The following POLR2B variants were observed in gnomAD, a reference collection of about 807,000 sequenced individuals.
POLR2B encodes RNA polymerase II subunit B.
A neutral mutation model predicts 144.6 loss-of-function variants in POLR2B; 57 were observed. That is an observed-to-expected ratio of 0.39 (90% CI 0.32 to 0.49). POLR2B has a LOEUF of 0.49. Among genes scored for constraint, POLR2B ranks in the 20% least tolerant of loss-of-function variants. The pLI, the probability that POLR2B is intolerant of heterozygous loss-of-function variation, is 0.83. For missense variants in POLR2B, 595 were observed against 1,467.4 expected, an observed-to-expected ratio of 0.41 and a Z score of 9.71; for synonymous variants, 442 against 469.8, an observed-to-expected ratio of 0.94 and a Z score of 0.77.
rs542488740 is a variant in POLR2B at position 56,998,624 on chromosome 4, C to T, written c.736-993C>T. Reference sequence around the variant, plus strand: ...CCTCCCGCCTTGGCCTCCCAAAGTGCCGGGATTACAGGCATGAGCCACTGT... The same window carrying T: ...CCTCCCGCCTTGGCCTCCCAAAGTGTCGGGATTACAGGCATGAGCCACTGT... On this transcript the variant is annotated intron_variant, in intron 6 of 24. Coordinates refer to ENST00000314595, the MANE Select transcript of POLR2B (RefSeq NM_000938.3). Among the ~76,000 whole-genome samples the T allele has an allele frequency of 3.3e-3, 501 of 152,272 alleles. 2 individuals are homozygous for T. Among genetic ancestry groups the T allele is most frequent in the African/African-American group, 0.011 (475 of 41,558 alleles).
intron 16 of POLR2B, among the ~76,000 whole-genome samples, chr4:57,018,260 T>A (rs1424218550): frequency 6.6e-6 from 1 of 152,172 alleles, no homozygotes; most frequent in African/African-American, 2.4e-5. Context: ...GGAATACCAT[T>A]CTGACAGCGG....
chr4:56,994,930 GA>G (rs41560115), intron 5 of POLR2B, 64 bp downstream of exon 5: 191,697 of 706,762 alleles, frequency 0.27, 9,469 homozygotes, highest in East Asian at 0.42. Context: ...AAGTTGAAAT[GA>G]AAAAAAAAAA....
intron 7 of POLR2B, 109 bp downstream of exon 7, chr4:56,999,890 T>A: frequency 1.4e-6 from 1 of 719,740 alleles, no homozygotes; most frequent in Non-Finnish European, 2.2e-6. Flanking sequence ...GTAATTTAGC[T>A]GTCACAAATC....
Position 57,023,891 on chromosome 4 carries a change from A to C in POLR2B, c.2857-114A>C. 1.3e-6 allele frequency: 1 copy of C among 786,250 alleles called. No individual in the cohort carries two copies. Among genetic ancestry groups the C allele is most frequent in the Non-Finnish European group, 2.1e-6 (1 of 480,580 alleles). The allele number at this position is 786,250 out of a possible 1,614,324, so 48.7% of individuals were successfully genotyped here. A position where few individuals can be genotyped will look rare whatever the true frequency, so the allele number is the denominator to read the frequency against. On this transcript the variant is annotated intron_variant, in intron 20 of 24. Transcript: ENST00000314595. The surrounding 1 kb of genome is among the most constrained non-coding windows in gnomAD (Gnocchi z 4.3). ...TTTATTGTTGAATAAGTATATGAAC[A>C]TACCATGTTTAAACAGAATTTGGGA...
chr4:57,022,230 A>G lies in POLR2B; in HGVS notation c.2499A>G (p.Thr833=). The G allele has an allele frequency of 6.2e-7, 1 of 1,603,712 alleles. No individual in the cohort carries two copies. Among genetic ancestry groups the G allele is most frequent in the Non-Finnish European group, 8.5e-7 (1 of 1,170,824 alleles). Residue 833 remains threonine, a synonymous_variant, in exon 18 of 25, where the codon ACA becomes ACG. Coordinates refer to ENST00000314595, the MANE Select transcript of POLR2B (RefSeq NM_000938.3). ...AAGAAGAAGTTTTTGAGAAGCCTAC[A>G]CGTGAAACATGCCAGGGTAAGTGAC... is the stretch of plus-strand genomic sequence containing the variant. ...FDQEEVFEKP[T]RETCQGMRHA... is the part of the protein sequence containing the mutation.
intron 10 of POLR2B, chr4:57,009,984 G>C (rs1242332069): frequency 6.1e-6 from 1 of 164,522 alleles, no homozygotes; most frequent in Non-Finnish European, 1.3e-5. Flanking sequence ...GCTATGATCA[G>C]AGGAGTGTGA....
At chr4:56,984,910 C>G (rs948954417) in intron 1 of POLR2B, among the ~76,000 whole-genome samples, 1 of 152,056 alleles carries the variant, frequency 6.6e-6, no homozygotes, top group Non-Finnish European at 1.5e-5. Flanking sequence ...CATAACTACG[C>G]TAAAATTTAG....
At chr4:57,000,133 C>T (rs1299778324) in intron 7 of POLR2B, among the ~76,000 whole-genome samples, 1 of 152,146 alleles carries the variant, frequency 6.6e-6, no homozygotes, top group African/African-American at 2.4e-5. Context: ...TAATTTCAGA[C>T]TTACAGAAAA....
chr4:56,996,279 T>TATATA (rs1553910018), intron 6 of POLR2B, among the ~76,000 whole-genome samples: 17 of 39,430 alleles, frequency 4.3e-4, no homozygotes, highest in South Asian at 9.5e-4. Context: ...TATATATATA[T>TATATA]TTTTTTTTTT....
At chr4:56,999,116 T>C (rs1456606604) in intron 6 of POLR2B, among the ~76,000 whole-genome samples, 2 of 152,138 alleles carry the variant, frequency 1.3e-5, no homozygotes, top group South Asian at 2.1e-4. Context: ...TTTGAAACAC[T>C]GAGACAAGGA....
In POLR2B at chr4:57,023,871, T is replaced by C; in HGVS notation, c.2856+120T>C. On this transcript the variant is annotated intron_variant, in intron 20 of 24. Transcript: ENST00000314595. This position sits in a 1 kb window ranked among gnomAD's most constrained non-coding sequence, Gnocchi z 4.3. ...TACAGGTTGAACTTTTTGATTTTAT[T>C]GTTGAATAAGTATATGAACATACCA... is the stretch of plus-strand genomic sequence containing the variant. 1.2e-6 allele frequency: 1 copy of C among 817,790 alleles called. No homozygotes were observed. Among genetic ancestry groups the C allele is most frequent in the Non-Finnish European group, 2.0e-6 (1 of 508,058 alleles). 50.7% of individuals were successfully genotyped at this position (817,790 alleles called of 1,614,324 possible). A position where few individuals can be genotyped will look rare whatever the true frequency, so the allele number is the denominator to read the frequency against.
intron 9 of POLR2B, 59 bp from the exon 10 acceptor site, chr4:57,006,755 CTG>C: frequency 7.6e-7 from 1 of 1,316,638 alleles, no homozygotes; most frequent in South Asian, 1.4e-5. Flanking sequence ...AATATTCCTC[CTG>C]TTGAGAATAT....
chr4:57,022,896 T>TA (rs1239655163), intron 18 of POLR2B, among the ~76,000 whole-genome samples: 1 of 152,190 alleles, frequency 6.6e-6, no homozygotes, highest in Admixed American at 6.5e-5. Flanking sequence ...CCAGTGGAGT[T>TA]AAGATTGAGT....
intron 1 of POLR2B, among the ~76,000 whole-genome samples, chr4:56,981,223 C>T (rs1263621953): frequency 2.6e-5 from 4 of 152,068 alleles, no homozygotes; most frequent in Non-Finnish European, 5.9e-5. Flanking sequence ...AGGAGATTTT[C>T]GTATCAGTAC....
intron 13 of POLR2B, among the ~76,000 whole-genome samples, chr4:57,013,174 C>T (rs28545156): frequency 0.075 from 11,472 of 152,064 alleles, 495 homozygotes; most frequent in African/African-American, 0.09. Flanking sequence ...TGGGGTTTTG[C>T]CATAGTTGGC....
intron 23 of POLR2B, among the ~76,000 whole-genome samples, chr4:57,027,912 A>G (rs1723777069): frequency 6.6e-6 from 1 of 152,226 alleles, no homozygotes; most frequent in Non-Finnish European, 1.5e-5. Context: ...GCCTTTAAAT[A>G]TATCAGGAAG....
At chr4:57,005,849 T>C (rs1723004599) in intron 9 of POLR2B, 130 bp downstream of exon 9, 4 of 760,142 alleles carry the variant, frequency 5.3e-6, no homozygotes, top group East Asian at 5.5e-5. Context: ...TACATTCTTA[T>C]TGCTATTTGC....
In POLR2B at chr4:57,024,942, C is replaced by T. The variant is rs749833549; in HGVS notation, c.3021C>T (p.Asn1007=). 1.1e-5 allele frequency: 18 copies of T among 1,601,418 alleles called. No homozygotes were observed. Among genetic ancestry groups the T allele is most frequent in the African/African-American group, 2.7e-5 (2 of 74,414 alleles). ...GDATPFNDAV[N]VQKISNLLSD... Reference sequence around the variant, plus strand: ...CCACTCCATTTAATGATGCTGTTAACGTGCAGAAGATTTCTAATCTTTTAT... The same window carrying T: ...CCACTCCATTTAATGATGCTGTTAATGTGCAGAAGATTTCTAATCTTTTAT... The change falls in exon 22 of 25, where the codon AAC becomes AAT. Residue 1007 remains asparagine, a synonymous_variant. Coordinates refer to ENST00000314595, the MANE Select transcript of POLR2B (RefSeq NM_000938.3).
Position 57,025,006 on chromosome 4 carries a change from T to G in POLR2B, c.3078+7T>G. On this transcript the variant is annotated splice_region_variant and intron_variant, in intron 22 of 24. Coordinates refer to ENST00000314595, the MANE Select transcript of POLR2B (RefSeq NM_000938.3). The stretch of plus-strand genomic sequence containing the variant: ...TCATCTCAGAGGAAATGAGGTATAT[T>G]TGCTCTTATAGTAGTAATTTGCCAC... 53 of 1,375,628 alleles carry G rather than the reference T, an allele frequency of 3.9e-5. No individual in the cohort carries two copies. The highest frequency in any genetic ancestry group is 4.8e-5 in the Non-Finnish European group (47 of 975,692). The allele number at this position is 1,375,628 out of a possible 1,614,324, so 85.2% of individuals were successfully genotyped here. A position where few individuals can be genotyped will look rare whatever the true frequency, so the allele number is the denominator to read the frequency against.
Sources: allele counts gnomAD v4.1 joint callset (sites outside exome capture counted in the v4.1 genomes callset), GRCh38; gene constraint gnomAD v4.1.1; non-coding constraint Gnocchi (gnomAD v3.1); transcripts MANE v1.5; gene names NCBI Gene and HGNC (gene_info 2026-07-23, HGNC 2026-07-21).